The following MGAT4A variants were observed in gnomAD, a reference collection of about 807,000 sequenced individuals.
MGAT4A encodes the protein alpha-1,3-mannosyl-glycoprotein 4-beta-N-acetylglucosaminyltransferase A.
In MGAT4A, 33 loss-of-function variants were observed where a neutral mutation model predicts 74.1. The observed-to-expected ratio is 0.45, with a 90% confidence interval of 0.34 to 0.60. The LOEUF is 0.60. Among genes scored for constraint, MGAT4A ranks in the 20% least tolerant of loss-of-function variants. The pLI, the probability that MGAT4A is intolerant of heterozygous loss-of-function variation, is 0.02. For missense variants in MGAT4A, 479 were observed against 628.3 expected, an observed-to-expected ratio of 0.76 and a Z score of 2.54; for synonymous variants, 198 against 210.4, an observed-to-expected ratio of 0.94 and a Z score of 0.51.
chr2:98,706,417 G>A (rs1191992247), intron 2 of MGAT4A, among the ~76,000 whole-genome samples: 2 of 151,592 alleles, frequency 1.3e-5, no homozygotes, highest in Non-Finnish European at 2.9e-5. Flanking sequence ...TGCAACCTCC[G>A]CCTCCAGATT....
At chr2:98,706,896 A>G (rs983501920) in intron 2 of MGAT4A, among the ~76,000 whole-genome samples, 4 of 151,670 alleles carry the variant, frequency 2.6e-5, no homozygotes, top group African/African-American at 9.7e-5. Context: ...AAAAATGAAA[A>G]AAAAAAAAAA....
At chr2:98,683,514 A>G (rs753885606) in intron 2 of MGAT4A, among the ~76,000 whole-genome samples, 13 of 152,068 alleles carry the variant, frequency 8.5e-5, no homozygotes, top group Non-Finnish European at 1.6e-4. Context: ...TAGAGAACTT[A>G]TTTGTACTAT....
At chr2:98,702,795 A>C (rs892750688) in intron 2 of MGAT4A, among the ~76,000 whole-genome samples, 1 of 152,220 alleles carries the variant, frequency 6.6e-6, no homozygotes, top group African/African-American at 2.4e-5. Context: ...AGAACTAATC[A>C]AAACGGAAGT....
At chr2:98,676,442 A>T (rs964587711) in intron 3 of MGAT4A, among the ~76,000 whole-genome samples, 2 of 152,172 alleles carry the variant, frequency 1.3e-5, no homozygotes, top group Non-Finnish European at 2.9e-5. Context: ...GCATTCAACA[A>T]ATATTTAGTG....
chr2:98,667,399 A>G (rs1701850947), intron 4 of MGAT4A, among the ~76,000 whole-genome samples: 1 of 152,180 alleles, frequency 6.6e-6, no homozygotes, highest in South Asian at 2.1e-4. Flanking sequence ...AAAATATAGG[A>G]AACTTTGGAG....
At chr2:98,697,257 T>TA (rs1702288554) in intron 2 of MGAT4A, among the ~76,000 whole-genome samples, 2 of 152,194 alleles carry the variant, frequency 1.3e-5, no homozygotes. Flanking sequence ...GCAACTTGGA[T>TA]AGGCCTCATG....
At chr2:98,693,679 CAAAA>C (rs202080554) in intron 2 of MGAT4A, among the ~76,000 whole-genome samples, 2 of 101,460 alleles carry the variant, frequency 2.0e-5, no homozygotes, top group Non-Finnish European at 1.9e-5. Context: ...GAGCTTCTCT[CAAAA>C]AAAAAAAAAA....
At chr2:98,658,193 AT>A (rs1308036661) in intron 6 of MGAT4A, 24 bp downstream of exon 6, 1 of 1,463,750 alleles carries the variant, frequency 6.8e-7, no homozygotes, top group East Asian at 2.3e-5. Flanking sequence ...AAATATTTGT[AT>A]GTTTATAATT....
intron 9 of MGAT4A, 150 bp downstream of exon 9, chr2:98,645,278 T>C (rs144493538): frequency 5.4e-4 from 289 of 536,390 alleles, no homozygotes; most frequent in African/African-American, 5.0e-3. Flanking sequence ...CATCATGTCA[T>C]ACAAAGAGGT....
intron 8 of MGAT4A, among the ~76,000 whole-genome samples, chr2:98,653,143 T>G (rs1701606301): frequency 7.0e-6 from 1 of 143,052 alleles, no homozygotes; most frequent in Non-Finnish European, 1.5e-5. Flanking sequence ...TATACCAAAA[T>G]GTATGATATA....
intron 2 of MGAT4A, among the ~76,000 whole-genome samples, chr2:98,699,738 G>A (rs547672402): frequency 7.2e-5 from 11 of 152,230 alleles, no homozygotes; most frequent in Admixed American, 2.0e-4. Context: ...AGCAAAAAAT[G>A]TACATTATAC....
chr2:98,621,400 G>A lies in MGAT4A; in HGVS notation c.*4166C>T. 8 of 1,550,734 alleles carry A rather than the reference G, an allele frequency of 5.2e-6. No homozygotes were observed. The highest frequency in any genetic ancestry group is 7.0e-6 in the Non-Finnish European group (8 of 1,146,522). On this transcript the variant is annotated 3_prime_UTR_variant, in exon 16 of 16. Coordinates refer to ENST00000393487, the MANE Select transcript of MGAT4A (RefSeq NM_012214.3). ...GCCTCTCTCAGCTCCTCAAAGCCAT[G>A]TGCATTCCTTCTCATGCAGCCCCCT...
At position 98,719,165 on chromosome 2, in the gene MGAT4A, C is replaced by T. The variant is rs149887794; in HGVS notation, c.94+7074G>A. ...CCTGCAAAAGAGGTGGAAAGGAGTC[C>T]TCCTGGGGTCAGAAAAATATCGGAC... On this transcript the variant is annotated intron_variant, in intron 2 of 15. Coordinates refer to ENST00000393487, the MANE Select transcript of MGAT4A (RefSeq NM_012214.3). Among the ~76,000 whole-genome samples the T allele has an allele frequency of 5.2e-3, 795 of 152,240 alleles. 6 individuals are homozygous for T. The highest frequency in any genetic ancestry group is 0.018 in the African/African-American group (754 of 41,518).
chr2:98,679,405 C>CAAAAA (rs753919040), intron 2 of MGAT4A, among the ~76,000 whole-genome samples: 4 of 33,332 alleles, frequency 1.2e-4, no homozygotes, highest in African/African-American at 3.4e-4. Context: ...GACTCCGTCT[C>CAAAAA]AAAAAAAAAA....
chr2:98,687,064 A>C (rs1702140681), intron 2 of MGAT4A, among the ~76,000 whole-genome samples: 1 of 152,180 alleles, frequency 6.6e-6, no homozygotes, highest in Non-Finnish European at 1.5e-5. Context: ...CTTGGAGTAA[A>C]AATTATCAGG....
intron 14 of MGAT4A, among the ~76,000 whole-genome samples, chr2:98,628,650 A>G (rs1052109311): frequency 6.6e-5 from 10 of 152,242 alleles, no homozygotes; most frequent in African/African-American, 7.2e-5. Context: ...CAGCTCTCAC[A>G]TAACTGCACA....
At chr2:98,662,709 C>A (rs1236375385) in intron 5 of MGAT4A, among the ~76,000 whole-genome samples, 1 of 152,086 alleles carries the variant, frequency 6.6e-6, no homozygotes, top group Non-Finnish European at 1.5e-5. Context: ...AATGATAAAA[C>A]CCCAGCTGAG....
At chr2:98,653,378 C>A (rs1701611553) in intron 8 of MGAT4A, among the ~76,000 whole-genome samples, 5 of 137,350 alleles carry the variant, frequency 3.6e-5, no homozygotes, top group African/African-American at 5.3e-5. Flanking sequence ...AGAAAAAAAC[C>A]CAAAGAAACC....
At chr2:98,681,390 T>C (rs536364114) in intron 2 of MGAT4A, among the ~76,000 whole-genome samples, 34 of 152,252 alleles carry the variant, frequency 2.2e-4, no homozygotes, top group African/African-American at 8.2e-4. Flanking sequence ...TAGAAGATAA[T>C]ATGGGGGAAC....
Sources: allele counts gnomAD v4.1 joint callset (sites outside exome capture counted in the v4.1 genomes callset), GRCh38; gene constraint gnomAD v4.1.1; transcripts MANE v1.5; gene names NCBI Gene and HGNC (gene_info 2026-07-23, HGNC 2026-07-21).